The following TMEM181 variants were observed in gnomAD, a reference collection of about 807,000 sequenced individuals.
TMEM181 encodes the protein transmembrane protein 181.
A neutral mutation model predicts 71.9 loss-of-function variants in TMEM181; 39 were observed. The observed-to-expected ratio is 0.54, with a 90% CI of 0.42 to 0.71. The LOEUF (loss-of-function observed/expected upper bound fraction) is 0.71. Ranked by LOEUF, TMEM181 falls within the 30% of genes least tolerant of loss-of-function variation. TMEM181 has a pLI of 0.00. For missense variants in TMEM181, 595 were observed against 583.0 expected, an observed-to-expected ratio of 1.02 and a Z score of -0.21; for synonymous variants, 245 against 228.8, an observed-to-expected ratio of 1.07 and a Z score of -0.64.
At chr6:158,567,816 G>A (rs989324475) in intron 1 of TMEM181, among the ~76,000 whole-genome samples, 4 of 152,176 alleles carry the variant, frequency 2.6e-5, no homozygotes, top group African/African-American at 7.2e-5. Context: ...CTATCTCAGG[G>A]CTGTGATGAC....
intron 1 of TMEM181, among the ~76,000 whole-genome samples, chr6:158,560,884 T>G (rs1782129758): frequency 1.3e-5 from 2 of 152,042 alleles, no homozygotes; most frequent in Non-Finnish European, 2.9e-5. Context: ...TGGGGTCTCG[T>G]GGACGCCATC....
chr6:158,573,283 C>T lies in TMEM181; in HGVS notation c.9-137C>T. 4 of 639,040 alleles carry T rather than the reference C, an allele frequency of 6.3e-6. No homozygotes were observed. In the South Asian group the frequency reaches 7.7e-5, roughly 12 times the overall value. The allele number at this position is 639,040 out of a possible 1,614,324, so 39.6% of individuals were successfully genotyped here. A position where few individuals can be genotyped will look rare whatever the true frequency, so the allele number is the denominator to read the frequency against. On this transcript the variant is annotated intron_variant, in intron 1 of 16. Coordinates refer to ENST00000684151, the MANE Select transcript of TMEM181 (RefSeq NM_001376852.1). ...GTCAGGAGGTTACCTGGTGGCAGTG[C>T]AGGCCCACTTCAGAAGTGAGGGACT...
intron 6 of TMEM181, among the ~76,000 whole-genome samples, chr6:158,598,025 C>T (rs1404556695): frequency 2.6e-5 from 4 of 152,190 alleles, no homozygotes; most frequent in East Asian, 1.9e-4. Context: ...TGCCCACACC[C>T]GTTGCCACGT....
At chr6:158,614,746 C>T (rs1000314645) in intron 10 of TMEM181, among the ~76,000 whole-genome samples, 9 of 152,070 alleles carry the variant, frequency 5.9e-5, no homozygotes, top group Non-Finnish European at 1.5e-5. Flanking sequence ...ATTTGGTTTT[C>T]TGTGCTTGGC....
intron 1 of TMEM181, among the ~76,000 whole-genome samples, chr6:158,546,370 G>A (rs749628619): frequency 6.6e-6 from 1 of 152,180 alleles, no homozygotes; most frequent in Non-Finnish European, 1.5e-5. Context: ...TAAAGATATG[G>A]CACTACAGCA....
At chr6:158,624,083 T>C in intron 11 of TMEM181, among the ~76,000 whole-genome samples, 1 of 152,276 alleles carries the variant, frequency 6.6e-6, no homozygotes, top group African/African-American at 2.4e-5. Context: ...TAAAACAATG[T>C]TTTTACTCCC....
chr6:158,585,042 C>G (rs1783687050), intron 4 of TMEM181, among the ~76,000 whole-genome samples: 2 of 152,054 alleles, frequency 1.3e-5, no homozygotes, highest in Non-Finnish European at 2.9e-5. Flanking sequence ...GAAATATTTA[C>G]CCTTTTTTTG....
At chr6:158,551,699 T>C (rs144763173) in intron 1 of TMEM181, among the ~76,000 whole-genome samples, 65 of 152,254 alleles carry the variant, frequency 4.3e-4, no homozygotes, top group African/African-American at 1.5e-3. Context: ...TCTAAAAATA[T>C]AGCTTTAAAG....
intron 10 of TMEM181, among the ~76,000 whole-genome samples, chr6:158,609,550 G>A (rs1379950614): frequency 3.3e-5 from 5 of 152,102 alleles, no homozygotes; most frequent in Admixed American, 2.0e-4. Flanking sequence ...CTCATGACCC[G>A]CTTTGAGGAA....
intron 1 of TMEM181, among the ~76,000 whole-genome samples, chr6:158,569,478 A>T (rs966542712): frequency 7.9e-5 from 12 of 152,306 alleles, no homozygotes; most frequent in Admixed American, 7.8e-4. Flanking sequence ...AACCAGGAAA[A>T]TTTCTAATAA....
chr6:158,624,823 G>A (rs925462011), intron 11 of TMEM181, among the ~76,000 whole-genome samples: 1 of 152,240 alleles, frequency 6.6e-6, no homozygotes, highest in African/African-American at 2.4e-5. Flanking sequence ...CGCAGTCTGA[G>A]CACCCACTGT....
intron 2 of TMEM181, among the ~76,000 whole-genome samples, chr6:158,574,180 A>G (rs936500124): frequency 1.3e-5 from 2 of 152,196 alleles, no homozygotes; most frequent in African/African-American, 4.8e-5. Context: ...TTTCTGGTAG[A>G]TATTATTTAA....
chr6:158,599,389 A>G (rs1784551006), intron 6 of TMEM181, among the ~76,000 whole-genome samples: 1 of 152,206 alleles, frequency 6.6e-6, no homozygotes, highest in Admixed American at 6.5e-5. Context: ...AAGGACAAAG[A>G]CAGCAGCTTT....
rs1786724692 is a variant in TMEM181 at position 158,632,634 on chromosome 6, T to C, written c.*746T>C. On this transcript the variant is annotated 3_prime_UTR_variant, in exon 17 of 17. Transcript: ENST00000684151. The stretch of plus-strand genomic sequence containing the variant: ...TGCCATGGTGCTTTTCAGGGGCCTG[T>C]GTGTACACACATGATTAAATGGATT... 6.6e-6 allele frequency: 1 copy of C among 152,384 alleles called. No homozygotes were observed. Among genetic ancestry groups the C allele is most frequent in the Non-Finnish European group, 1.5e-5 (1 of 68,146 alleles). The allele number at this position is 152,384 out of a possible 1,614,324, so 9.4% of individuals were successfully genotyped here. A position where few individuals can be genotyped will look rare whatever the true frequency, so the allele number is the denominator to read the frequency against.
At position 158,630,387 on chromosome 6, in the gene TMEM181, T is replaced by C. The variant is rs973684870; in HGVS notation, c.1282+568T>C. Among the ~76,000 whole-genome samples the C allele has an allele frequency of 2.6e-5, 4 of 152,016 alleles. No individual in the cohort carries two copies. The East Asian group carries it at 7.7e-4, about 29-fold the overall frequency. ...GACATGTGCCTGTAGTCCTAGCTAC[T>C]CGGTTGGCTGAGGAGGGACGGTCGC... On this transcript the variant is annotated intron_variant, in intron 15 of 16. Coordinates refer to ENST00000684151, the MANE Select transcript of TMEM181 (RefSeq NM_001376852.1).
At position 158,608,347 on chromosome 6, in the gene TMEM181, C is replaced by A; in HGVS notation, c.688C>A (p.Leu230Ile). ...TTGTGTTCCAGATCCGTTCTTCCCC[C>A]TCTCCTTCCTGGTCAACAGCTGGCT... ...LLLYNDPFFPLSFLVNSWLPG... is the reference protein window; with the variant it reads ...LLLYNDPFFPISFLVNSWLPG... Residue 230 changes from leucine to isoleucine, a missense_variant, in exon 9 of 17, where the codon CTC becomes ATC. Transcript: ENST00000684151. 1 of 1,614,252 alleles carries A rather than the reference C, an allele frequency of 6.2e-7. No homozygotes were observed. The highest frequency in any genetic ancestry group is 2.2e-5 in the East Asian group (1 of 44,890).
At chr6:158,617,872 T>A (rs1343541915) in intron 10 of TMEM181, among the ~76,000 whole-genome samples, 2 of 152,210 alleles carry the variant, frequency 1.3e-5, no homozygotes, top group African/African-American at 4.8e-5. Flanking sequence ...TTCTTTTACA[T>A]TTGCTGAGGA....
At chr6:158,614,640 C>G (rs893488936) in intron 10 of TMEM181, among the ~76,000 whole-genome samples, 2 of 152,168 alleles carry the variant, frequency 1.3e-5, no homozygotes, top group African/African-American at 4.8e-5. Context: ...TCCAACCTCC[C>G]CCCACCCTAC....
intron 1 of TMEM181, among the ~76,000 whole-genome samples, chr6:158,561,439 A>C (rs1782166126): frequency 6.6e-6 from 1 of 152,180 alleles, no homozygotes; most frequent in African/African-American, 2.4e-5. Flanking sequence ...CTATGTAAAT[A>C]ATACTGCTTG....
Sources: gnomAD v4.1 joint callset for allele counts (sites outside exome capture counted in the v4.1 genomes callset) on GRCh38, gnomAD v4.1.1 for gene constraint, MANE v1.5 for transcripts, NCBI Gene and HGNC (gene_info 2026-07-23, HGNC 2026-07-21) for gene names.